MREG: variants seen among roughly 807,000 people sequenced by gnomAD.
MREG encodes dilute suppressor protein homolog.
A neutral mutation model predicts 28.5 loss-of-function variants in MREG; 31 were observed. The ratio of observed to expected loss-of-function variants is 1.09; its 90% confidence interval spans 0.82 to 1.47. The LOEUF (loss-of-function observed/expected upper bound fraction) is 1.47. MREG is among the 40% of genes most tolerant of loss of function. MREG has a pLI of 0.00. For synonymous variants in MREG, 106 were observed against 95.2 expected, an observed-to-expected ratio of 1.11 and a Z score of -0.66; for missense variants, 256 against 257.4, an observed-to-expected ratio of 0.99 and a Z score of 0.04.
At chr2:215,986,186 G>C (rs554589580) in intron 2 of MREG, among the ~76,000 whole-genome samples, 3 of 152,154 alleles carry the variant, frequency 2.0e-5, no homozygotes, top group Non-Finnish European at 1.5e-5. Context: ...CTACTGGAAA[G>C]AAAACATATT....
intron 2 of MREG, among the ~76,000 whole-genome samples, chr2:215,948,366 G>T (rs1692376350): frequency 6.6e-6 from 1 of 152,210 alleles, no homozygotes; most frequent in Non-Finnish European, 1.5e-5. Context: ...GTCAGGAAGT[G>T]GCAAGTTTGA....
intron 2 of MREG, among the ~76,000 whole-genome samples, chr2:215,962,930 G>A (rs1242456973): frequency 6.6e-6 from 1 of 152,200 alleles, no homozygotes; most frequent in Non-Finnish European, 1.5e-5. Context: ...GAGCCCAGGA[G>A]TTTGAGACCA....
intron 1 of MREG, among the ~76,000 whole-genome samples, chr2:216,026,050 A>G (rs1221207208): frequency 2.6e-5 from 4 of 152,210 alleles, no homozygotes; most frequent in African/African-American, 7.2e-5. Context: ...AAGTACTGAC[A>G]TATGCTACAA....
chr2:216,021,258 C>A (rs1694516208), intron 1 of MREG, among the ~76,000 whole-genome samples: 1 of 152,138 alleles, frequency 6.6e-6, no homozygotes, highest in Non-Finnish European at 1.5e-5. Flanking sequence ...AGCAATTCTC[C>A]AATCTCAGCC....
chr2:216,024,963 G>GAA (rs1313078461), intron 1 of MREG, among the ~76,000 whole-genome samples: 1 of 145,590 alleles, frequency 6.9e-6, no homozygotes, highest in East Asian at 2.0e-4. Flanking sequence ...GAAAGGAAAG[G>GAA]AAAGGAAAGG....
chr2:215,964,516 A>G lies in MREG; in HGVS notation c.256-17403T>C, dbSNP rs531532605. ...AAAGAAAGAAAGAAAAGAACAGAAA[A>G]TCACACTAATGAGCAAAAGACATTG... On this transcript the variant is annotated intron_variant, in intron 2 of 4. Coordinates refer to ENST00000263268, the MANE Select transcript of MREG (RefSeq NM_018000.3). Among the ~76,000 whole-genome samples, 5 of 151,976 alleles carry G rather than the reference A, an allele frequency of 3.3e-5. No homozygotes were observed. In the South Asian group the frequency reaches 1.0e-3, roughly 32 times the overall value.
chr2:216,034,061 G>A (rs1044903148), upstream of MREG: 9 of 152,250 alleles, frequency 5.9e-5, no homozygotes, highest in African/African-American at 2.2e-4. Flanking sequence ...GAGTGCAGAA[G>A]AAATACCAAA....
At chr2:215,993,020 C>CA (rs1331827889) in intron 2 of MREG, among the ~76,000 whole-genome samples, 5 of 152,192 alleles carry the variant, frequency 3.3e-5, no homozygotes, top group Admixed American at 6.5e-5. Flanking sequence ...ATGCTATCCC[C>CA]ATCAAGCTAC....
intron 1 of MREG, among the ~76,000 whole-genome samples, chr2:215,998,307 C>CA (rs1222506866): frequency 0.015 from 1,850 of 123,838 alleles, 48 homozygotes; most frequent in African/African-American, 0.049. Flanking sequence ...CTCCATCTCA[C>CA]AAAAAAAAAA....
At chr2:216,013,891 G>C (rs1245181299), upstream of MREG, among the ~76,000 whole-genome samples, 1 of 151,922 alleles carries the variant, frequency 6.6e-6, no homozygotes, top group African/African-American at 2.4e-5. Flanking sequence ...TACCAAAAGA[G>C]CATGGATTGA....
At chr2:215,976,041 G>A (rs888706714) in intron 2 of MREG, among the ~76,000 whole-genome samples, 3 of 151,824 alleles carry the variant, frequency 2.0e-5, no homozygotes, top group African/African-American at 7.3e-5. Context: ...CCAGGAGGCA[G>A]GGGTTGCAGT....
intron 2 of MREG, among the ~76,000 whole-genome samples, chr2:215,975,008 T>TTA (rs58937716): frequency 0.4 from 42,748 of 106,584 alleles, 8,368 homozygotes; most frequent in Middle Eastern, 0.42. Flanking sequence ...TTTATATGAA[T>TTA]TATATATATA....
At chr2:216,003,448 G>A (rs554380328) in intron 1 of MREG, among the ~76,000 whole-genome samples, 5 of 152,260 alleles carry the variant, frequency 3.3e-5, no homozygotes, top group African/African-American at 1.2e-4. Context: ...GAAACACGAG[G>A]GCTCAGGAGG....
chr2:215,975,513 A>G (rs1693231528), intron 2 of MREG, among the ~76,000 whole-genome samples: 1 of 152,224 alleles, frequency 6.6e-6, no homozygotes, highest in Non-Finnish European at 1.5e-5. Context: ...TGACTGCCAC[A>G]GAAGCCAAGG....
Position 215,945,011 on chromosome 2 carries a change from C to A in MREG, c.511-14G>T, listed in dbSNP as rs775677002. ...AATGAGACGGTCCTGCAAAAACAAA[C>A]AACAAACCAAAAAACTGCTGGCAAG... is the stretch of plus-strand genomic sequence containing the variant. On this transcript the variant is annotated splice_polypyrimidine_tract_variant and intron_variant, in intron 4 of 4. Coordinates refer to ENST00000263268, the MANE Select transcript of MREG (RefSeq NM_018000.3). 6.4e-7 allele frequency: 1 copy of A among 1,553,516 alleles called. No individual in the cohort carries two copies. The highest frequency in any genetic ancestry group is 8.8e-7 in the Non-Finnish European group (1 of 1,136,410).
chr2:215,969,800 G>C (rs946920712), intron 2 of MREG, among the ~76,000 whole-genome samples: 2 of 152,024 alleles, frequency 1.3e-5, no homozygotes, highest in East Asian at 3.9e-4. Context: ...CAATATGGAG[G>C]TCATGGAGGG....
upstream of MREG, among the ~76,000 whole-genome samples, chr2:216,017,172 T>C (rs1694461405): frequency 6.6e-6 from 1 of 152,194 alleles, no homozygotes; most frequent in Non-Finnish European, 1.5e-5. Flanking sequence ...TTTTGTTTTG[T>C]TTTGTTTATC....
chr2:215,949,081 C>CTAATAATAA (rs1491250872), intron 2 of MREG, among the ~76,000 whole-genome samples: 72 of 96,416 alleles, frequency 7.5e-4, no homozygotes, highest in African/African-American at 1.5e-3. Flanking sequence ...ACTACTACTA[C>CTAATAATAA]TACTACTAAT....
chr2:215,988,620 C>A (rs189038013), intron 2 of MREG, among the ~76,000 whole-genome samples: 22 of 152,332 alleles, frequency 1.4e-4, no homozygotes, highest in Middle Eastern at 6.8e-3. Context: ...TCCCATGGAG[C>A]CCAGCAAGCT....
Sources: allele counts gnomAD v4.1 joint callset (sites outside exome capture counted in the v4.1 genomes callset), GRCh38; gene constraint gnomAD v4.1.1; transcripts MANE v1.5; gene names NCBI Gene and HGNC (gene_info 2026-07-23, HGNC 2026-07-21).